The following ACLY variants were observed in gnomAD, a reference collection of about 807,000 sequenced individuals.
The protein encoded by ACLY is ATP citrate lyase.
A neutral mutation model predicts 133.0 loss-of-function variants in ACLY; 41 were observed. The ratio of observed to expected loss-of-function variants is 0.31; its 90% CI spans 0.24 to 0.40. The LOEUF (loss-of-function observed/expected upper bound fraction) is 0.40, where lower values mean the gene tolerates loss of function less well. Among genes scored for constraint, ACLY ranks in the 10% least tolerant of loss-of-function variants. The pLI is 1.00. For missense variants in ACLY, 1,046 were observed against 1,453.8 expected (o/e 0.72, Z 4.56); for synonymous variants, 495 against 549.3 (o/e 0.90, Z 1.38).
At position 41,898,053 on chromosome 17, in the gene ACLY, G is replaced by A. The variant is rs138005799; in HGVS notation, c.1339-214C>T. ...CAAACTGAGGCCCTGGGTGGACAAG[G>A]TACTGGCTAAGGTTGCTCTCTCAGC... On this transcript the variant is annotated intron_variant, in intron 12 of 28. Coordinates refer to ENST00000352035, the MANE Select transcript of ACLY (RefSeq NM_001096.3). Among the ~76,000 whole-genome samples the A allele has an allele frequency of 1.2e-3, 190 of 152,294 alleles. 1 individual carries two copies. Among genetic ancestry groups the A allele is most frequent in the African/African-American group, 4.4e-3 (184 of 41,554 alleles).
At chr17:41,872,619 G>A (rs542892490) in intron 23 of ACLY, among the ~76,000 whole-genome samples, 12 of 152,256 alleles carry the variant, frequency 7.9e-5, no homozygotes, top group Admixed American at 2.6e-4. Flanking sequence ...ATGAGCCACC[G>A]CGCCCGGCCC....
intron 10 of ACLY, among the ~76,000 whole-genome samples, chr17:41,902,472 G>T (rs1193583020): frequency 1.3e-5 from 2 of 152,094 alleles, no homozygotes; most frequent in Non-Finnish European, 2.9e-5. Flanking sequence ...CCTCAGCCTC[G>T]CAAAGTGCTG....
At chr17:41,887,513 G>C in intron 17 of ACLY, 86 bp downstream of exon 17, 1 of 1,056,834 alleles carries the variant, frequency 9.5e-7, no homozygotes, top group Non-Finnish European at 1.5e-6. Context: ...GAGGGAGATA[G>C]AGGAGTCAAA....
intron 11 of ACLY, among the ~76,000 whole-genome samples, chr17:41,901,368 T>C (rs1322447464): frequency 6.6e-5 from 10 of 152,248 alleles, no homozygotes; most frequent in African/African-American, 2.4e-4. Context: ...CCCCCTGACA[T>C]AGCAGTTTGT....
Position 41,872,176 on chromosome 17 carries a change from A to G in ACLY, c.2649T>C (p.Pro883=), listed in dbSNP as rs1280988129. Residue 883 remains proline (P), a synonymous_variant, in exon 24 of 29, where the codon CCT becomes CCC. Coordinates refer to ENST00000352035, the MANE Select transcript of ACLY (RefSeq NM_001096.3). ...LGLLWFQKRL[P]KYSCQFIEMC... is the part of the protein sequence containing the mutation. ...TCTCAATGAACTGGCAAGAGTACTT[A>G]GGCAACCTGGAGTGGGGGGAACAAA... 2 of 1,613,176 alleles carry G rather than the reference A, an allele frequency of 1.2e-6. No homozygotes were observed. Among genetic ancestry groups the G allele is most frequent in the East Asian group, 2.2e-5 (1 of 44,892 alleles).
intron 13 of ACLY, 124 bp from the exon 14 acceptor site, chr17:41,896,773 C>T (rs2049379909): frequency 1.3e-6 from 1 of 759,718 alleles, no homozygotes; most frequent in Admixed American, 3.0e-5. Flanking sequence ...CCTCATCATC[C>T]CTCTCCTGTT....
At chr17:41,879,629 A>G (rs1482428566) in intron 20 of ACLY, among the ~76,000 whole-genome samples, 1 of 112,340 alleles carries the variant, frequency 8.9e-6, no homozygotes, top group African/African-American at 3.5e-5. Context: ...CCAGGGTGAT[A>G]AGAGCAAGAC....
At chr17:41,919,595 G>T (rs147280741), upstream of ACLY, among the ~76,000 whole-genome samples, 528 of 152,324 alleles carry the variant, frequency 3.5e-3, 6 homozygotes, top group African/African-American at 0.012. Context: ...GTAAGCAAGT[G>T]GGGCTAGGAG....
intron 11 of ACLY, 109 bp downstream of exon 11, chr17:41,901,587 G>C (rs1340841890): frequency 1.6e-5 from 14 of 877,676 alleles, no homozygotes; most frequent in Non-Finnish European, 2.4e-5. Context: ...ACCCAGGAAG[G>C]GGAGTAGAGA....
intron 22 of ACLY, among the ~76,000 whole-genome samples, chr17:41,876,400 T>C (rs1212528992): frequency 2.0e-5 from 3 of 151,816 alleles, no homozygotes; most frequent in African/African-American, 7.3e-5. Flanking sequence ...GCCACCACCC[T>C]GTCTGGGAGG....
At chr17:41,870,125 C>T (rs1381189402) in intron 25 of ACLY, among the ~76,000 whole-genome samples, 4 of 152,294 alleles carry the variant, frequency 2.6e-5, no homozygotes, top group East Asian at 1.9e-4. Context: ...CATACCAAAT[C>T]GAATACCAAA....
chr17:41,925,996 C>T (rs1294576354), intron 1 of ACLY, among the ~76,000 whole-genome samples: 1 of 151,942 alleles, frequency 6.6e-6, no homozygotes, highest in Non-Finnish European at 1.5e-5. Flanking sequence ...AGGTGTGTGC[C>T]ACCACACCAG....
At position 41,871,743 on chromosome 17, in the gene ACLY, G is replaced by C. The variant is rs1555625083; in HGVS notation, c.2883C>G (p.Asn961Lys). Reference protein sequence around the residue: ...DSGIIPMEFVNKMKKEGKLIM... With the variant: ...DSGIIPMEFVKKMKKEGKLIM... The stretch of plus-strand genomic sequence containing the variant: ...TCAGCTTCCCTTCCTTCTTCATCTT[G>C]TTCACAAACTCCATGGGGATAATGC... Residue 961 changes from asparagine to lysine, a missense_variant, in exon 25 of 29, where the codon AAC becomes AAG. Coordinates refer to ENST00000352035, the MANE Select transcript of ACLY (RefSeq NM_001096.3). 1 of 1,614,042 alleles carries C rather than the reference G, an allele frequency of 6.2e-7. No individual in the cohort carries two copies. The highest frequency in any genetic ancestry group is 1.7e-5 in the Admixed American group (1 of 59,994).
At chr17:41,925,778 A>G (rs2050236428) in intron 1 of ACLY, among the ~76,000 whole-genome samples, 1 of 151,918 alleles carries the variant, frequency 6.6e-6, no homozygotes, top group South Asian at 2.1e-4. Context: ...GTGAGTGGAG[A>G]GAGGCCTTTC....
intron 13 of ACLY, among the ~76,000 whole-genome samples, chr17:41,897,140 G>T (rs2049391279): frequency 6.6e-6 from 1 of 152,190 alleles, no homozygotes; most frequent in South Asian, 2.1e-4. Context: ...TGTGTCCCAG[G>T]AAGAGGCTGC....
intron 23 of ACLY, 130 bp from the exon 24 acceptor site, chr17:41,872,312 A>C: frequency 2.4e-6 from 2 of 842,354 alleles, no homozygotes; most frequent in Non-Finnish European, 1.8e-6. Context: ...CTACCACACA[A>C]CTCTAAGGCA....
At chr17:41,910,405 G>A in intron 3 of ACLY, 121 bp from the exon 4 acceptor site, 1 of 795,850 alleles carries the variant, frequency 1.3e-6, no homozygotes, top group Admixed American at 2.6e-5. Flanking sequence ...AGCAAAGAGA[G>A]ATTTTTCCAG....
rs1302390068 is a variant in ACLY, at chr17:41,909,180, C to T, written c.537-112G>A. The T allele has an allele frequency of 3.9e-5, 32 of 824,042 alleles. No homozygotes were observed. In the East Asian group the frequency reaches 8.1e-4, roughly 21 times the overall value. The allele number at this position is 824,042 out of a possible 1,614,324, so 51.0% of individuals were successfully genotyped here. The stretch of plus-strand genomic sequence containing the variant: ...CCACCGACAGCTCCATTTCCCTAAA[C>T]GCACCCCACTGGCCCTTCCATCTCC... On this transcript the variant is annotated intron_variant, in intron 5 of 28. Transcript: ENST00000352035.
At chr17:41,912,784 C>T (rs972062431) in intron 2 of ACLY, among the ~76,000 whole-genome samples, 19 of 152,152 alleles carry the variant, frequency 1.2e-4, no homozygotes, top group Non-Finnish European at 2.2e-4. Flanking sequence ...ACAGAGTAGG[C>T]GCTCAGCAAA....
Sources: gnomAD v4.1 joint callset for allele counts (sites outside exome capture counted in the v4.1 genomes callset) on GRCh38, gnomAD v4.1.1 for gene constraint, MANE v1.5 for transcripts, NCBI Gene and HGNC (gene_info 2026-07-23, HGNC 2026-07-21) for gene names.